TAX1BP1: variants seen among roughly 807,000 people sequenced by gnomAD.
TAX1BP1 encodes the protein Tax1 binding protein 1.
In TAX1BP1, 62 loss-of-function variants were observed where a neutral mutation model predicts 97.7. That is an observed-to-expected ratio of 0.63 (90% confidence interval 0.52 to 0.78). TAX1BP1 has a LOEUF of 0.78. Among genes scored for constraint, TAX1BP1 ranks in the 30% least tolerant of loss-of-function variants. TAX1BP1 has a pLI of 0.00. For missense variants in TAX1BP1, 867 were observed against 916.1 expected (o/e 0.95, Z 0.69); for synonymous variants, 340 against 304.2 (o/e 1.12, Z -1.23).
chr7:27,828,883 C>T lies in TAX1BP1; in HGVS notation c.*54C>T. The T allele has an allele frequency of 9.5e-7, 1 of 1,052,174 alleles. No individual in the cohort carries two copies. 65.2% of individuals were successfully genotyped at this position (1,052,174 alleles called of 1,614,324 possible). On this transcript the variant is annotated 3_prime_UTR_variant, in exon 17 of 17. Coordinates refer to ENST00000396319, the MANE Select transcript of TAX1BP1 (RefSeq NM_006024.7). ...TAGCAGTAAAAAAAAAAAAAAAAACCACACCTAAAATAGACCACTGAGGAG... is the reference window on the plus strand; with the variant it reads ...TAGCAGTAAAAAAAAAAAAAAAAACTACACCTAAAATAGACCACTGAGGAG...
At position 27,799,977 on chromosome 7, in the gene TAX1BP1, A is replaced by C. The variant is rs199588505; in HGVS notation, c.1651A>C (p.Lys551Gln). 3 of 1,594,070 alleles carry C rather than the reference A, an allele frequency of 1.9e-6. No homozygotes were observed. The highest frequency in any genetic ancestry group is 2.6e-6 in the Non-Finnish European group (3 of 1,173,088). Reference sequence around the variant, plus strand: ...TAATTTCATTTAGGATGAGAAAGCAAAATGCAATAAATATGCTGATGAACT... The same window carrying C: ...TAATTTCATTTAGGATGAGAAAGCACAATGCAATAAATATGCTGATGAACT... ...CKQLLQDEKA[K>Q]CNKYADELAK... The change falls in exon 13 of 17, where the codon AAA becomes CAA. Residue 551 changes from lysine (K) to glutamine (Q), a missense_variant. Lys to Gln is a moderately conservative substitution (Grantham distance 53, BLOSUM62 1). Around this residue, in one of 3 missense-constraint regions of TAX1BP1, gnomAD observed 822 missense variants for 851.4 expected, o/e 0.97. Transcript: ENST00000396319.
chr7:27,811,162 G>T (rs558174450), intron 13 of TAX1BP1, among the ~76,000 whole-genome samples: 1 of 152,236 alleles, frequency 6.6e-6, no homozygotes, highest in African/African-American at 2.4e-5. Flanking sequence ...TAGGTATCTT[G>T]AAAGAGTATT....
rs114847081 is a variant in TAX1BP1, at chr7:27,800,373, A to T, written c.1764+283A>T. On this transcript the variant is annotated intron_variant, in intron 13 of 16. Coordinates refer to ENST00000396319, the MANE Select transcript of TAX1BP1 (RefSeq NM_006024.7). Reference sequence around the variant, plus strand: ...TGTTTATTTTTAAAGTTGAAAAGTGATCATTATCCTCCTGTTCATTTTGAA... The same window carrying T: ...TGTTTATTTTTAAAGTTGAAAAGTGTTCATTATCCTCCTGTTCATTTTGAA... Among the ~76,000 whole-genome samples the T allele has an allele frequency of 5.4e-3, 819 of 152,260 alleles. 9 individuals are homozygous for T. The highest frequency in any genetic ancestry group is 0.019 in the African/African-American group (778 of 41,556).
chr7:27,825,671 G>T (rs1190858707), intron 15 of TAX1BP1, among the ~76,000 whole-genome samples: 1 of 152,006 alleles, frequency 6.6e-6, no homozygotes, highest in East Asian at 1.9e-4. Flanking sequence ...TCCCCTCCAG[G>T]TATTTAACGA....
chr7:27,803,243 T>C, intron 13 of TAX1BP1: 1 of 1,349,824 alleles, frequency 7.4e-7, no homozygotes, highest in South Asian at 1.9e-5. Flanking sequence ...TAGAGCTTTA[T>C]GAAGAGACAC....
In TAX1BP1 at chr7:27,741,302, G is replaced by T. The variant is rs564353994; in HGVS notation, c.-8+1033G>T. The stretch of plus-strand genomic sequence containing the variant: ...ATCATTTGAATAGAAACTAAAAGTG[G>T]GTCGATCGTCCTCAAAGTGCTTTTC... On this transcript the variant is annotated intron_variant, in intron 1 of 16. Coordinates refer to ENST00000396319, the MANE Select transcript of TAX1BP1 (RefSeq NM_006024.7). 1.2e-3 allele frequency among the ~76,000 whole-genome samples: 189 copies of T among 151,904 alleles called. 2 individuals carry two copies. Among genetic ancestry groups the T allele is most frequent in the African/African-American group, 4.3e-3 (178 of 41,518 alleles).
At chr7:27,818,317 CTT>C (rs1223624736) in intron 15 of TAX1BP1, among the ~76,000 whole-genome samples, 2 of 152,068 alleles carry the variant, frequency 1.3e-5, no homozygotes, top group Non-Finnish European at 2.9e-5. Flanking sequence ...CCTCGAGTAA[CTT>C]TATTTTGCAG....
In TAX1BP1 at chr7:27,829,034, T is replaced by C; in HGVS notation, c.*205T>C. 2.2e-6 allele frequency: 1 copy of C among 447,034 alleles called. No homozygotes were observed. Among genetic ancestry groups the C allele is most frequent in the Non-Finnish European group, 3.9e-6 (1 of 255,508 alleles). The allele number at this position is 447,034 out of a possible 1,614,324, so 27.7% of individuals were successfully genotyped here. On this transcript the variant is annotated 3_prime_UTR_variant, in exon 17 of 17. Coordinates refer to ENST00000396319, the MANE Select transcript of TAX1BP1 (RefSeq NM_006024.7). ...CAATAAATTTTAATCTCTGTTAATC[T>C]TACCTGCTTTAAAAAAAAGTTCTTG...
intron 15 of TAX1BP1, among the ~76,000 whole-genome samples, chr7:27,825,204 G>C (rs1209064007): frequency 6.7e-6 from 1 of 149,984 alleles, no homozygotes; most frequent in Non-Finnish European, 1.5e-5. Flanking sequence ...GATATTTCAA[G>C]TTCTTGTCTT....
intron 15 of TAX1BP1, among the ~76,000 whole-genome samples, chr7:27,823,521 TAG>T (rs1238518802): frequency 2.0e-5 from 3 of 152,170 alleles, no homozygotes; most frequent in Admixed American, 6.5e-5. Flanking sequence ...AAATGCTAAG[TAG>T]AGAGTCCCAC....
intron 2 of TAX1BP1, among the ~76,000 whole-genome samples, chr7:27,757,704 C>T (rs1389282202): frequency 1.3e-5 from 2 of 151,992 alleles, no homozygotes; most frequent in Non-Finnish European, 2.9e-5. Context: ...TATTTAAAAA[C>T]TCACTGTGTT....
chr7:27,766,947 G>A (rs1391441635), intron 4 of TAX1BP1, among the ~76,000 whole-genome samples: 8 of 152,064 alleles, frequency 5.3e-5, no homozygotes, highest in Admixed American at 5.2e-4. Context: ...AATTTAAAAA[G>A]CTATTTACTC....
chr7:27,768,430 A>C (rs887920031), intron 4 of TAX1BP1, among the ~76,000 whole-genome samples: 19 of 152,044 alleles, frequency 1.2e-4, no homozygotes, highest in Non-Finnish European at 1.2e-4. Context: ...AAAAATGTCT[A>C]CTTAAGCTTT....
intron 15 of TAX1BP1, among the ~76,000 whole-genome samples, chr7:27,827,353 CAAAA>C (rs368954449): frequency 1.8e-5 from 2 of 110,384 alleles, no homozygotes; most frequent in African/African-American, 3.4e-5. Flanking sequence ...GACTCCATCT[CAAAA>C]AAAAAAAAAG....
chr7:27,751,335 T>C (rs1449010158), intron 2 of TAX1BP1, among the ~76,000 whole-genome samples: 1 of 152,226 alleles, frequency 6.6e-6, no homozygotes, highest in Non-Finnish European at 1.5e-5. Flanking sequence ...CTTAACACTT[T>C]TACCTACTGT....
intron 13 of TAX1BP1, among the ~76,000 whole-genome samples, chr7:27,814,103 T>G (rs1173786796): frequency 6.6e-6 from 1 of 151,634 alleles, no homozygotes; most frequent in African/African-American, 2.4e-5. Context: ...GCCTTTTTTT[T>G]TTTTTTCTTT....
chr7:27,791,951 T>C, intron 8 of TAX1BP1, 55 bp from the exon 9 acceptor site: 1 of 1,556,574 alleles, frequency 6.4e-7, no homozygotes, highest in East Asian at 2.3e-5. Flanking sequence ...TTGTTTCTGC[T>C]TCTGTTTTTT....
At chr7:27,816,551 C>G in intron 14 of TAX1BP1, 31 bp downstream of exon 14, 8 of 1,497,748 alleles carry the variant, frequency 5.3e-6, no homozygotes, top group Non-Finnish European at 6.2e-6. Context: ...TTGGGATTAG[C>G]TGCATCTGGA....
At chr7:27,805,747 A>G (rs1375913893) in intron 13 of TAX1BP1, among the ~76,000 whole-genome samples, 1 of 152,094 alleles carries the variant, frequency 6.6e-6, no homozygotes, top group Non-Finnish European at 1.5e-5. Flanking sequence ...GAGGTGAGAG[A>G]ATTGCTTGAA....
Sources: gnomAD v4.1 joint callset for allele counts (sites outside exome capture counted in the v4.1 genomes callset) on GRCh38, gnomAD v4.1.1 for gene constraint, gnomAD v4.1.1 regional missense constraint, MANE v1.5 for transcripts, NCBI Gene and HGNC (gene_info 2026-07-23, HGNC 2026-07-21) for gene names.